The following SPART variants were observed in gnomAD, a reference collection of about 807,000 sequenced individuals.
The protein encoded by SPART is spastic paraplegia 20 (Troyer syndrome).
A neutral mutation model predicts 58.7 loss-of-function variants in SPART; 35 were observed. That is an observed-to-expected ratio of 0.60 (90% CI 0.46 to 0.79). SPART has a LOEUF of 0.79. Among genes scored for constraint, SPART ranks in the 30% least tolerant of loss-of-function variants. The pLI is 0.00. For synonymous variants in SPART, 284 were observed against 280.7 expected (o/e 1.01, Z -0.12); for missense variants, 730 against 786.1 (o/e 0.93, Z 0.85).
At chr13:36,366,326 T>C (rs1886051450) in intron 1 of SPART, among the ~76,000 whole-genome samples, 1 of 152,112 alleles carries the variant, frequency 6.6e-6, no homozygotes, top group Admixed American at 6.6e-5. Context: ...TCTCATCCTG[T>C]CTCTCTATCA....
intron 1 of SPART, among the ~76,000 whole-genome samples, chr13:36,342,168 T>C (rs1057110121): frequency 1.3e-5 from 2 of 152,186 alleles, no homozygotes; most frequent in Non-Finnish European, 2.9e-5. Context: ...CACGCATCAT[T>C]TAGAGTACTT....
upstream of SPART, among the ~76,000 whole-genome samples, chr13:36,349,402 C>T (rs950185365): frequency 6.6e-6 from 1 of 152,162 alleles, no homozygotes; most frequent in Non-Finnish European, 1.5e-5. Context: ...TAGGAATATT[C>T]GTACTACTGA....
chr13:36,364,118 G>T (rs1226913305), intron 1 of SPART, among the ~76,000 whole-genome samples: 3 of 152,062 alleles, frequency 2.0e-5, no homozygotes, highest in Non-Finnish European at 4.4e-5. Context: ...TGTCCTGAAC[G>T]CTATTCCGTT....
chr13:36,318,932 C>T (rs1248510534), intron 5 of SPART, among the ~76,000 whole-genome samples: 2 of 152,032 alleles, frequency 1.3e-5, no homozygotes, highest in African/African-American at 2.4e-5. Flanking sequence ...ACTGCCCGAT[C>T]GCCTCGGAAG....
At chr13:36,337,206 T>A (rs1203892463) in intron 1 of SPART, among the ~76,000 whole-genome samples, 1 of 152,248 alleles carries the variant, frequency 6.6e-6, no homozygotes, top group East Asian at 1.9e-4. Context: ...TCATAAATTT[T>A]AAATTGCACA....
At chr13:36,318,449 G>GC (rs1393067507) in intron 5 of SPART, among the ~76,000 whole-genome samples, 1 of 152,076 alleles carries the variant, frequency 6.6e-6, no homozygotes, top group Non-Finnish European at 1.5e-5. Flanking sequence ...AGGTCAAAAG[G>GC]CCGTCTTATT....
chr13:36,355,204 A>G (rs1276955284), intron 1 of SPART, among the ~76,000 whole-genome samples: 2 of 152,186 alleles, frequency 1.3e-5, no homozygotes, highest in Non-Finnish European at 2.9e-5. Flanking sequence ...CTTTGTTGCC[A>G]GGCTGGAGTG....
chr13:36,313,112 G>A (rs574619885), intron 6 of SPART, among the ~76,000 whole-genome samples: 1 of 152,114 alleles, frequency 6.6e-6, no homozygotes, highest in African/African-American at 2.4e-5. Context: ...TAAGAGCAAG[G>A]ATTTAGAAGT....
intron 1 of SPART, among the ~76,000 whole-genome samples, chr13:36,351,787 T>A (rs1885420271): frequency 6.6e-6 from 1 of 152,230 alleles, no homozygotes; most frequent in Non-Finnish European, 1.5e-5. Context: ...AGATTCAATT[T>A]CATTCAGGTT....
intron 1 of SPART, among the ~76,000 whole-genome samples, chr13:36,337,525 T>A (rs1177996071): frequency 6.6e-6 from 1 of 152,220 alleles, no homozygotes; most frequent in Non-Finnish European, 1.5e-5. Flanking sequence ...CAGCTTTTGC[T>A]AGCTCTCTCT....
chr13:36,313,740 C>T (rs1180858820), intron 6 of SPART, among the ~76,000 whole-genome samples: 1 of 152,130 alleles, frequency 6.6e-6, no homozygotes, highest in Non-Finnish European at 1.5e-5. Context: ...TATCATATAG[C>T]CTAGGTGTGG....
chr13:36,342,281 T>C (rs989000931), intron 1 of SPART, among the ~76,000 whole-genome samples: 1 of 152,300 alleles, frequency 6.6e-6, no homozygotes, highest in South Asian at 2.1e-4. Flanking sequence ...AAAATTGAAG[T>C]TTGCAAGCAT....
chr13:36,342,506 C>T (rs1377409497), intron 1 of SPART, among the ~76,000 whole-genome samples: 1 of 152,134 alleles, frequency 6.6e-6, no homozygotes, highest in Admixed American at 6.5e-5. Context: ...AACAAATCCT[C>T]TAAATCAGGG....
upstream of SPART, among the ~76,000 whole-genome samples, chr13:36,348,841 C>T (rs1459259990): frequency 1.3e-5 from 2 of 152,172 alleles, no homozygotes; most frequent in Non-Finnish European, 1.5e-5. Flanking sequence ...ATTTTGCAAG[C>T]TGATCCTAAA....
upstream of SPART, among the ~76,000 whole-genome samples, chr13:36,348,375 ATT>A (rs1211951744): frequency 6.6e-6 from 1 of 152,248 alleles, no homozygotes; most frequent in Non-Finnish European, 1.5e-5. Context: ...TTTAAATAGA[ATT>A]TTTTAAATTT....
Position 36,346,389 on chromosome 13 carries a change from C to CAAA in SPART, c.-168_-167insTTT, listed in dbSNP as rs2137672875. 6.6e-6 allele frequency: 1 copy of CAAA among 152,312 alleles called. No homozygotes were observed. Among genetic ancestry groups the CAAA allele is most frequent in the Non-Finnish European group, 1.5e-5 (1 of 68,104 alleles). The allele number at this position is 152,312 out of a possible 1,614,324, so 9.4% of individuals were successfully genotyped here. ...TCGCGCGCGCGCTTGCCGTGGCAAC[C>CAAA]AAGACGTTCCACGACGCGCGCTCTC... is the stretch of plus-strand genomic sequence containing the variant. On this transcript the variant is annotated 5_prime_UTR_variant, in exon 1 of 9. Coordinates refer to ENST00000438666, the MANE Select transcript of SPART (RefSeq NM_015087.5).
rs1287272380 is a variant in SPART at position 36,302,939 on chromosome 13, G to A, written c.*1426C>T. On this transcript the variant is annotated 3_prime_UTR_variant, in exon 9 of 9. Coordinates refer to ENST00000438666, the MANE Select transcript of SPART (RefSeq NM_015087.5). ...TTCTACTCTCTATCTCCTTAAGTTT[G>A]ATTATTGTAATTTTTAGCTCCCACA... The A allele has an allele frequency of 6.6e-6, 1 of 152,010 alleles. No individual in the cohort carries two copies. Among genetic ancestry groups the A allele is most frequent in the African/African-American group, 2.4e-5 (1 of 41,398 alleles). The allele number at this position is 152,010 out of a possible 1,614,324, so 9.4% of individuals were successfully genotyped here. A position where few individuals can be genotyped will look rare whatever the true frequency, so the allele number is the denominator to read the frequency against.
rs748804234 is a variant in SPART at position 36,326,650 on chromosome 13, A to G, written c.1213T>C (p.Cys405Arg). The change falls in exon 5 of 9, where the codon TGT (cysteine) becomes CGT (arginine). Residue 405 changes from cysteine to arginine, a missense_variant. By Grantham distance (180) the Cys-to-Arg change is radical. Coordinates refer to ENST00000438666, the MANE Select transcript of SPART (RefSeq NM_015087.5). Reference protein sequence around the residue: ...EEVNLSHIVPCEPVPEEKPKE... With the variant: ...EEVNLSHIVPREPVPEEKPKE... ...GGCTTTTCTTCTGGAACTGGCTCAC[A>G]TGGTACAATGTGACTCAGGTTAACT... The G allele has an allele frequency of 3.3e-5, 53 of 1,613,346 alleles. No homozygotes were observed. Among genetic ancestry groups the G allele is most frequent in the South Asian group, 1.8e-4 (16 of 91,064 alleles).
At position 36,303,567 on chromosome 13, in the gene SPART, CT is replaced by C; in HGVS notation, c.*797del. ...ATATATTTTTTTTACAAGTTTTAAC[CT>C]TTTGGAAAAACAGAAGCAGATATGA... On this transcript the variant is annotated 3_prime_UTR_variant, in exon 9 of 9. Transcript: ENST00000438666. 6.6e-6 allele frequency: 1 copy of C among 152,024 alleles called. No individual in the cohort carries two copies. The highest frequency in any genetic ancestry group is 1.5e-5 in the Non-Finnish European group (1 of 67,936). 9.4% of individuals were successfully genotyped at this position (152,024 alleles called of 1,614,324 possible). A position where few individuals can be genotyped will look rare whatever the true frequency, so the allele number is the denominator to read the frequency against.
Sources: allele counts gnomAD v4.1 joint callset (sites outside exome capture counted in the v4.1 genomes callset), GRCh38; gene constraint gnomAD v4.1.1; transcripts MANE v1.5; gene names NCBI Gene and HGNC (gene_info 2026-07-23, HGNC 2026-07-21).